KCNC2: variants seen among roughly 807,000 people sequenced by gnomAD.
KCNC2 encodes the protein potassium voltage-gated channel subfamily C member 2, also known as voltage-gated potassium channel KCNC2.
KCNC2 carries 21 observed loss-of-function variants against 44.5 expected under a neutral mutation model. The ratio of observed to expected loss-of-function variants is 0.47; its 90% CI spans 0.33 to 0.68. KCNC2 has a LOEUF of 0.68. Among genes scored for constraint, KCNC2 ranks in the 30% least tolerant of loss-of-function variants. The pLI is 0.01. For synonymous variants in KCNC2, 391 were observed against 339.1 expected (o/e 1.15, Z -1.68); for missense variants, 589 against 826.2 (o/e 0.71, Z 3.52).
chr12:75,190,023 A>C (rs529428077), intron 2 of KCNC2, among the ~76,000 whole-genome samples: 151 of 152,278 alleles, frequency 9.9e-4, no homozygotes, highest in African/African-American at 3.2e-3. Context: ...TTGATATAGT[A>C]ATAGCTATGA....
intron 2 of KCNC2, among the ~76,000 whole-genome samples, chr12:75,118,691 A>T (rs1220763989): frequency 6.6e-6 from 1 of 152,348 alleles, no homozygotes; most frequent in East Asian, 1.9e-4. Flanking sequence ...GAAGGGAAGC[A>T]GTGAGATTTA....
chr12:75,177,114 A>G (rs1269314603), intron 2 of KCNC2, among the ~76,000 whole-genome samples: 1 of 150,742 alleles, frequency 6.6e-6, no homozygotes, highest in African/African-American at 2.4e-5. Flanking sequence ...AAATAAAGCA[A>G]TTGTTTTAGG....
At chr12:75,104,112 G>C (rs1886589960) in intron 2 of KCNC2, among the ~76,000 whole-genome samples, 1 of 151,974 alleles carries the variant, frequency 6.6e-6, no homozygotes, top group South Asian at 2.1e-4. Flanking sequence ...GAGTGGCATA[G>C]GTATTGTGGT....
At chr12:75,142,182 T>C (rs966861675) in intron 2 of KCNC2, among the ~76,000 whole-genome samples, 1 of 152,146 alleles carries the variant, frequency 6.6e-6, no homozygotes. Context: ...AGAGAAAGAT[T>C]AATAATTTGT....
intron 2 of KCNC2, among the ~76,000 whole-genome samples, chr12:75,056,892 T>C (rs1881803645): frequency 6.6e-6 from 1 of 152,010 alleles, no homozygotes; most frequent in Non-Finnish European, 1.5e-5. Context: ...GAATGTAATC[T>C]CATTTTTTCT....
intron 2 of KCNC2, among the ~76,000 whole-genome samples, chr12:75,110,151 A>T (rs1428507608): frequency 6.6e-6 from 1 of 152,154 alleles, no homozygotes; most frequent in Non-Finnish European, 1.5e-5. Flanking sequence ...CGTTTTCTAA[A>T]CTGAAGAAAC....
At chr12:75,168,739 G>A (rs1242100678) in intron 2 of KCNC2, among the ~76,000 whole-genome samples, 3 of 151,504 alleles carry the variant, frequency 2.0e-5, no homozygotes, top group Non-Finnish European at 4.4e-5. Context: ...TTATTTTGCT[G>A]TCTGTGAAGG....
intron 2 of KCNC2, among the ~76,000 whole-genome samples, chr12:75,199,111 A>G (rs2031021730): frequency 6.6e-6 from 1 of 151,898 alleles, no homozygotes; most frequent in Non-Finnish European, 1.5e-5. Flanking sequence ...GTCTCTCATC[A>G]TAGAGACAAC....
At chr12:75,089,737 C>A (rs140925463) in intron 2 of KCNC2, among the ~76,000 whole-genome samples, 24 of 151,864 alleles carry the variant, frequency 1.6e-4, no homozygotes, top group Middle Eastern at 3.4e-3. Context: ...AATATCTAGA[C>A]CTGTCCTATC....
At chr12:75,148,864 T>A (rs920208028) in intron 2 of KCNC2, among the ~76,000 whole-genome samples, 18 of 151,982 alleles carry the variant, frequency 1.2e-4, no homozygotes, top group African/African-American at 3.9e-4. Flanking sequence ...TTGCCTCAAT[T>A]TCAGCTCAAC....
At chr12:75,171,260 A>AC (rs1265372036) in intron 2 of KCNC2, among the ~76,000 whole-genome samples, 1 of 151,764 alleles carries the variant, frequency 6.6e-6, no homozygotes. Flanking sequence ...AGGTAATGTA[A>AC]CCTAATTACA....
rs2136907979 is a variant in KCNC2, at chr12:75,042,568, A to C, written c.*537T>G. On this transcript the variant is annotated 3_prime_UTR_variant, in exon 5 of 5. Transcript: ENST00000549446. ...AGTCGACCAATGCTTTCATATCAGC[A>C]GGATGGTTCGATGCAAGTACACATA... The C allele has an allele frequency of 7.2e-7, 1 of 1,384,726 alleles. No homozygotes were observed. Among genetic ancestry groups the C allele is most frequent in the South Asian group, 1.7e-5 (1 of 60,356 alleles). The allele number at this position is 1,384,726 out of a possible 1,614,324, so 85.8% of individuals were successfully genotyped here. A position where few individuals can be genotyped will look rare whatever the true frequency, so the allele number is the denominator to read the frequency against.
intron 2 of KCNC2, among the ~76,000 whole-genome samples, chr12:75,139,724 A>G (rs1889502972): frequency 6.6e-6 from 1 of 152,224 alleles, no homozygotes; most frequent in South Asian, 2.1e-4. Flanking sequence ...TTGACTTTGA[A>G]AGCATGATTT....
chr12:75,069,839 T>C (rs1883222263), intron 2 of KCNC2, among the ~76,000 whole-genome samples: 1 of 152,138 alleles, frequency 6.6e-6, no homozygotes, highest in African/African-American at 2.4e-5. Context: ...ACCTTTCCTA[T>C]GCTAGGGAGA....
At chr12:75,093,161 T>C (rs1885632104) in intron 2 of KCNC2, among the ~76,000 whole-genome samples, 1 of 151,608 alleles carries the variant, frequency 6.6e-6, no homozygotes, top group Non-Finnish European at 1.5e-5. Flanking sequence ...CAAAATATTC[T>C]GGCAACCATA....
At chr12:75,072,311 A>G (rs558135509) in intron 2 of KCNC2, among the ~76,000 whole-genome samples, 1 of 152,254 alleles carries the variant, frequency 6.6e-6, no homozygotes, top group Non-Finnish European at 1.5e-5. Flanking sequence ...ATTTGATTCA[A>G]TTAAGGTTTA....
chr12:75,106,496 T>A (rs1333619769), intron 2 of KCNC2, among the ~76,000 whole-genome samples: 2 of 151,796 alleles, frequency 1.3e-5, no homozygotes, highest in African/African-American at 4.8e-5. Flanking sequence ...ATGAGATGAA[T>A]AGGACTTACT....
intron 2 of KCNC2, among the ~76,000 whole-genome samples, chr12:75,054,878 G>T (rs1881574168): frequency 6.6e-6 from 1 of 152,148 alleles, no homozygotes; most frequent in Non-Finnish European, 1.5e-5. Context: ...GAATTATCCA[G>T]AGGCAAACAC....
chr12:75,103,566 C>T (rs1886542894), intron 2 of KCNC2, among the ~76,000 whole-genome samples: 1 of 152,126 alleles, frequency 6.6e-6, no homozygotes, highest in Admixed American at 6.5e-5. Context: ...TAAAGTTTCA[C>T]ATTAGTAACT....
Sources: gnomAD v4.1 joint callset for allele counts (sites outside exome capture counted in the v4.1 genomes callset) on GRCh38, gnomAD v4.1.1 for gene constraint, MANE v1.5 for transcripts, NCBI Gene and HGNC (gene_info 2026-07-23, HGNC 2026-07-21) for gene names.